The following PIBF1 variants were observed in gnomAD, a reference collection of about 807,000 sequenced individuals.
PIBF1 encodes progesterone immunomodulatory binding factor 1.
In PIBF1, 90 loss-of-function variants were observed where a neutral mutation model predicts 112.5. The observed-to-expected ratio is 0.80, with a 90% CI of 0.67 to 0.95. The LOEUF (loss-of-function observed/expected upper bound fraction) is 0.95. Ranked by LOEUF, PIBF1 falls within the 40% of genes least tolerant of loss-of-function variation. PIBF1 has a pLI of 0.00. For synonymous variants in PIBF1, 301 were observed against 288.6 expected (o/e 1.04, Z -0.44); for missense variants, 915 against 852.3 (o/e 1.07, Z -0.92).
intron 5 of PIBF1, among the ~76,000 whole-genome samples, chr13:72,814,762 C>T (rs2036188763): frequency 6.6e-6 from 1 of 151,688 alleles, no homozygotes; most frequent in Non-Finnish European, 1.5e-5. Flanking sequence ...AAAATAAATA[C>T]ATGTAGTACT....
chr13:72,927,132 G>A (rs942406004), intron 13 of PIBF1, among the ~76,000 whole-genome samples: 3 of 151,434 alleles, frequency 2.0e-5, no homozygotes, highest in Admixed American at 2.0e-4. Context: ...CACGATCTTG[G>A]CTCACTGCTT....
intron 16 of PIBF1, among the ~76,000 whole-genome samples, chr13:72,986,002 T>A (rs1193160620): frequency 6.6e-6 from 1 of 151,072 alleles, no homozygotes; most frequent in Non-Finnish European, 1.5e-5. Flanking sequence ...AAAAATTTTT[T>A]AAAATAAATA....
intron 8 of PIBF1, 64 bp downstream of exon 8, chr13:72,827,978 C>T (rs2036901940): frequency 8.3e-7 from 1 of 1,211,554 alleles, no homozygotes; most frequent in African/African-American, 1.5e-5. Context: ...TGAGGGAACT[C>T]TTGGCTTTGG....
chr13:72,791,595 G>A (rs1025321086), intron 2 of PIBF1, among the ~76,000 whole-genome samples: 7 of 152,216 alleles, frequency 4.6e-5, no homozygotes, highest in Admixed American at 1.3e-4. Context: ...TTTATTCTGA[G>A]GACAGTGAGG....
intron 14 of PIBF1, among the ~76,000 whole-genome samples, chr13:72,950,749 T>C (rs1418156859): frequency 6.6e-6 from 1 of 152,236 alleles, no homozygotes; most frequent in African/African-American, 2.4e-5. Context: ...GGATGATTAG[T>C]GAATAAGACA....
intron 14 of PIBF1, among the ~76,000 whole-genome samples, chr13:72,945,900 C>G (rs1451621175): frequency 2.6e-5 from 4 of 151,926 alleles, no homozygotes; most frequent in African/African-American, 9.7e-5. Flanking sequence ...ATTTTGAGAG[C>G]CTACTTAATG....
chr13:72,943,404 A>C (rs2042063725), intron 14 of PIBF1, among the ~76,000 whole-genome samples: 1 of 152,248 alleles, frequency 6.6e-6, no homozygotes, highest in Non-Finnish European at 1.5e-5. Flanking sequence ...TTGATGTCCT[A>C]AATATCCCTA....
intron 13 of PIBF1, among the ~76,000 whole-genome samples, chr13:72,929,709 G>A (rs9573068): frequency 0.26 from 40,142 of 151,900 alleles, 6,644 homozygotes; most frequent in East Asian, 0.47. Flanking sequence ...AATGAGGACT[G>A]TATGCTTTTT....
chr13:72,964,977 A>C (rs1236542806), intron 14 of PIBF1, among the ~76,000 whole-genome samples: 2 of 152,086 alleles, frequency 1.3e-5, no homozygotes, highest in Non-Finnish European at 2.9e-5. Context: ...CAGGAGAATC[A>C]CTTGAACCTG....
In PIBF1 at chr13:72,821,901, G is replaced by A. The variant is rs763324526; in HGVS notation, c.725G>A (p.Arg242His). ...NYSEVQIRCQ[R>H]LALELADTKQ... ...TCTGAAGTTCAAATTAGATGTCAAC[G>A]TTTGGCCTTAGAATTAGCAGACACA... Residue 242 changes from arginine to histidine, a missense_variant, in exon 6 of 18, where the codon CGT (arginine) becomes CAT (histidine). Physicochemically the swap from Arg to His is conservative, Grantham distance 29. Coordinates refer to ENST00000326291, the MANE Select transcript of PIBF1 (RefSeq NM_006346.4). 14 of 1,612,790 alleles carry A rather than the reference G, an allele frequency of 8.7e-6. No individual in the cohort carries two copies. Among genetic ancestry groups the A allele is most frequent in the East Asian group, 4.5e-5 (2 of 44,750 alleles).
intron 4 of PIBF1, among the ~76,000 whole-genome samples, chr13:72,796,908 T>A (rs1350406915): frequency 3.9e-5 from 6 of 152,150 alleles, no homozygotes; most frequent in Admixed American, 3.9e-4. Context: ...AGTATTAAGA[T>A]TTGCCTCTTA....
chr13:72,963,372 T>TC (rs1295393784), intron 14 of PIBF1, among the ~76,000 whole-genome samples: 1 of 152,160 alleles, frequency 6.6e-6, no homozygotes, highest in African/African-American at 2.4e-5. Flanking sequence ...GGCAGGCAGA[T>TC]CACTTGAAGT....
chr13:72,909,844 T>C lies in PIBF1; in HGVS notation c.1639+1163T>C, dbSNP rs549824138. Among the ~76,000 whole-genome samples the C allele has an allele frequency of 1.5e-4, 23 of 152,330 alleles. 2 individuals are homozygous for C. Among genetic ancestry groups the C allele is most frequent in the South Asian group, 1.0e-3 (5 of 4,828 alleles). On this transcript the variant is annotated intron_variant, in intron 12 of 17. Coordinates refer to ENST00000326291, the MANE Select transcript of PIBF1 (RefSeq NM_006346.4). Reference sequence around the variant, plus strand: ...AAATTCATTTGAGGGTACTGTGTTATAATCTTTGATCTTTAATTTCTGTTT... The same window carrying C: ...AAATTCATTTGAGGGTACTGTGTTACAATCTTTGATCTTTAATTTCTGTTT...
intron 5 of PIBF1, among the ~76,000 whole-genome samples, chr13:72,803,561 C>A (rs2035587907): frequency 6.6e-6 from 1 of 152,000 alleles, no homozygotes; most frequent in South Asian, 2.1e-4. Flanking sequence ...TTGAATTACT[C>A]CTGATTAGTT....
chr13:72,785,821 T>G (rs2034569154), intron 2 of PIBF1, among the ~76,000 whole-genome samples: 1 of 152,232 alleles, frequency 6.6e-6, no homozygotes, highest in Admixed American at 6.5e-5. Context: ...TATCCAGACT[T>G]ACATTTTGTT....
intron 13 of PIBF1, among the ~76,000 whole-genome samples, chr13:72,928,063 A>G (rs1323240421): frequency 6.9e-6 from 1 of 145,708 alleles, no homozygotes; most frequent in Non-Finnish European, 1.5e-5. Context: ...ATATGAGGAA[A>G]TGTGTTTTAC....
At chr13:72,908,837 T>C (rs1021167190) in intron 12 of PIBF1, among the ~76,000 whole-genome samples, 156 bp downstream of exon 12, 2 of 149,818 alleles carry the variant, frequency 1.3e-5, no homozygotes, top group South Asian at 4.2e-4. Flanking sequence ...TCACTTGAGG[T>C]CAGGAGTTCG....
chr13:72,964,718 C>A (rs1053045343), intron 14 of PIBF1, among the ~76,000 whole-genome samples: 1 of 152,012 alleles, frequency 6.6e-6, no homozygotes, highest in African/African-American at 2.4e-5. Context: ...AAGACAAATA[C>A]TAAGAAAATT....
intron 10 of PIBF1, among the ~76,000 whole-genome samples, chr13:72,867,943 G>A (rs991589561): frequency 6.6e-6 from 1 of 152,154 alleles, no homozygotes; most frequent in Non-Finnish European, 1.5e-5. Context: ...TGCATGTAAT[G>A]ATGCCTATGG....
Sources: allele counts gnomAD v4.1 joint callset (sites outside exome capture counted in the v4.1 genomes callset), GRCh38; gene constraint gnomAD v4.1.1; transcripts MANE v1.5; gene names NCBI Gene and HGNC (gene_info 2026-07-23, HGNC 2026-07-21).